GNAL: variants seen among roughly 807,000 people sequenced by gnomAD.
The protein encoded by GNAL is G protein subunit alpha L, also known as guanine nucleotide-binding protein G(olf) subunit alpha.
A neutral mutation model predicts 55.1 loss-of-function variants in GNAL; 18 were observed. The observed-to-expected ratio is 0.33, with a 90% confidence interval of 0.23 to 0.48. The LOEUF (loss-of-function observed/expected upper bound fraction) is 0.48, where lower values mean the gene tolerates loss of function less well. GNAL is among the 20% of genes least tolerant of loss of function. The pLI is 0.99. For synonymous variants in GNAL, 253 were observed against 237.0 expected (o/e 1.07, Z -0.62); for missense variants, 412 against 614.1 (o/e 0.67, Z 3.48).
At chr18:11,695,956 GA>G (rs1191634834) in intron 1 of GNAL, among the ~76,000 whole-genome samples, 1 of 149,768 alleles carries the variant, frequency 6.7e-6, no homozygotes, top group African/African-American at 2.5e-5. Flanking sequence ...ACACACAAAG[GA>G]AAAAAAACAG....
intron 1 of GNAL, among the ~76,000 whole-genome samples, chr18:11,716,246 G>A (rs1379338427): frequency 1.3e-5 from 2 of 152,236 alleles, no homozygotes; most frequent in African/African-American, 4.8e-5. Flanking sequence ...GACCCTCGCG[G>A]TGAGTGTTAC....
intron 4 of GNAL, among the ~76,000 whole-genome samples, chr18:11,772,640 A>C (rs2033668007): frequency 6.6e-6 from 1 of 152,134 alleles, no homozygotes; most frequent in Admixed American, 6.5e-5. Context: ...TCTCTACGAG[A>C]CTTGTCCAGG....
intron 11 of GNAL, among the ~76,000 whole-genome samples, chr18:11,879,989 T>A (rs893123610): frequency 6.6e-6 from 1 of 152,228 alleles, no homozygotes; most frequent in Non-Finnish European, 1.5e-5. Flanking sequence ...CCGGGCGCGG[T>A]GGCTCACGCC....
At chr18:11,853,410 A>T (rs572098257) in intron 5 of GNAL, 1 of 167,250 alleles carries the variant, frequency 6.0e-6, no homozygotes, top group South Asian at 2.1e-4. Context: ...GCCTCGAAAC[A>T]TGGAGAAAAG....
intron 5 of GNAL, among the ~76,000 whole-genome samples, chr18:11,835,150 T>C (rs748819807): frequency 1.3e-5 from 2 of 152,250 alleles, no homozygotes; most frequent in African/African-American, 4.8e-5. Flanking sequence ...TTCTGTTTCA[T>C]TGGACATGCA....
At chr18:11,879,544 T>C (rs918930795) in intron 11 of GNAL, among the ~76,000 whole-genome samples, 2 of 152,204 alleles carry the variant, frequency 1.3e-5, no homozygotes, top group African/African-American at 4.8e-5. Flanking sequence ...CTCTTCTCTC[T>C]AGGACACCAG....
At chr18:11,822,604 G>A (rs1598407430) in intron 4 of GNAL, among the ~76,000 whole-genome samples, 1 of 152,072 alleles carries the variant, frequency 6.6e-6, no homozygotes, top group Non-Finnish European at 1.5e-5. Context: ...GTGAGACCAC[G>A]TCTCAAAAAA....
intron 4 of GNAL, among the ~76,000 whole-genome samples, chr18:11,764,549 G>A (rs2033345830): frequency 6.6e-6 from 1 of 152,234 alleles, no homozygotes. Flanking sequence ...GCCTATGCCT[G>A]TAATCCCAGC....
At chr18:11,713,380 A>G (rs1013454434) in intron 1 of GNAL, among the ~76,000 whole-genome samples, 2 of 152,234 alleles carry the variant, frequency 1.3e-5, no homozygotes, top group Non-Finnish European at 2.9e-5. Flanking sequence ...ATCCCATGCA[A>G]TTGGTTAGCA....
At chr18:11,849,501 CAAAAA>C (rs71172025) in intron 5 of GNAL, among the ~76,000 whole-genome samples, 2 of 130,478 alleles carry the variant, frequency 1.5e-5, no homozygotes, top group African/African-American at 3.2e-5. Flanking sequence ...GATTTCATCT[CAAAAA>C]AAAAAAAAAA....
Position 11,881,350 on chromosome 18 carries a change from AAC to A in GNAL, c.*216_*217del. 2.3e-6 allele frequency: 1 copy of A among 431,672 alleles called. No homozygotes were observed. The highest frequency in any genetic ancestry group is 4.8e-5 in the South Asian group (1 of 20,672). 26.7% of individuals were successfully genotyped at this position (431,672 alleles called of 1,614,324 possible). ...GGCCTCCCGCAGCATCCCACCCCCA[AAC>A]CACCGACTCTCATTGCCGACACTGC... On this transcript the variant is annotated 3_prime_UTR_variant, in exon 12 of 12. Transcript: ENST00000334049. This position sits in a 1 kb window ranked among gnomAD's most constrained non-coding sequence, Gnocchi z 4.8.
At chr18:11,821,953 A>G (rs953276225) in intron 4 of GNAL, among the ~76,000 whole-genome samples, 1 of 152,252 alleles carries the variant, frequency 6.6e-6, no homozygotes, top group Non-Finnish European at 1.5e-5. Flanking sequence ...CGCCCAGGCC[A>G]TGGCCGCCGC....
chr18:11,694,801 G>C (rs2031358215), intron 1 of GNAL, among the ~76,000 whole-genome samples: 1 of 152,172 alleles, frequency 6.6e-6, no homozygotes, highest in African/African-American at 2.4e-5. Flanking sequence ...CAATTCTGGA[G>C]GTTGGAAGTC....
At position 11,770,555 on chromosome 18, in the gene GNAL, AAC is replaced by A. The variant is rs200469751; in HGVS notation, c.624+16612_624+16613del. ...TTAACCAGAGTATTTGTAGAAAAATAACAGTTATTTGAGTTTTCATTTTTATT... is the reference window on the plus strand; with the variant it reads ...TTAACCAGAGTATTTGTAGAAAAATAAGTTATTTGAGTTTTCATTTTTATT... On this transcript the variant is annotated intron_variant, in intron 4 of 11. Transcript: ENST00000334049. 6.2e-4 allele frequency among the ~76,000 whole-genome samples: 94 copies of A among 152,312 alleles called. No individual in the cohort carries two copies. In the East Asian group the frequency reaches 7.5e-3, roughly 12 times the overall value.
At position 11,689,873 on chromosome 18, in the gene GNAL, G is replaced by A. The variant is rs910542312; in HGVS notation, c.310G>A (p.Gly104Ser). The change falls in exon 1 of 12, where the codon GGC (glycine) becomes AGC (serine). Residue 104 changes from glycine (G) to serine (S), a missense_variant. This residue lies in a region of GNAL where 228 missense variants were observed against 194.8 expected (regional missense o/e 1.17). Coordinates refer to ENST00000334049, the MANE Select transcript of GNAL (RefSeq NM_182978.4). ...AVKEARKVSRGIDRMLRDQKR... is the reference protein window; with the variant it reads ...AVKEARKVSRSIDRMLRDQKR... ...CAAGGAGGCGAGGAAAGTGAGCCGG[G>A]GCATCGACCGCATGCTGCGCGACCA... 1.3e-6 allele frequency: 2 copies of A among 1,508,692 alleles called. No homozygotes were observed. The highest frequency in any genetic ancestry group is 1.8e-6 in the Non-Finnish European group (2 of 1,130,914). The allele number at this position is 1,508,692 out of a possible 1,614,324, so 93.5% of individuals were successfully genotyped here. A position where few individuals can be genotyped will look rare whatever the true frequency, so the allele number is the denominator to read the frequency against.
At chr18:11,846,406 T>A (rs551885333) in intron 5 of GNAL, among the ~76,000 whole-genome samples, 6 of 147,458 alleles carry the variant, frequency 4.1e-5, no homozygotes, top group African/African-American at 4.9e-5. Flanking sequence ...ATCATTTTTT[T>A]ATATATAAAT....
chr18:11,867,730 C>T (rs955685061), intron 8 of GNAL, among the ~76,000 whole-genome samples: 9 of 151,786 alleles, frequency 5.9e-5, no homozygotes, highest in African/African-American at 7.3e-5. Context: ...AGGAGAATGG[C>T]GTGAACCTGG....
At chr18:11,838,342 T>A (rs1390318902) in intron 5 of GNAL, among the ~76,000 whole-genome samples, 1 of 152,152 alleles carries the variant, frequency 6.6e-6, no homozygotes, top group Non-Finnish European at 1.5e-5. Flanking sequence ...ATATGAAATG[T>A]CCAGAATAGG....
chr18:11,861,739 A>G (rs2036143734), intron 5 of GNAL, among the ~76,000 whole-genome samples: 1 of 152,216 alleles, frequency 6.6e-6, no homozygotes, highest in East Asian at 1.9e-4. Context: ...CTTGGCTCCC[A>G]TCCTGCCTTG....
Sources: gnomAD v4.1 joint callset for allele counts (sites outside exome capture counted in the v4.1 genomes callset) on GRCh38, gnomAD v4.1.1 for gene constraint, gnomAD v4.1.1 regional missense constraint, Gnocchi (gnomAD v3.1) non-coding constraint, MANE v1.5 for transcripts, NCBI Gene and HGNC (gene_info 2026-07-23, HGNC 2026-07-21) for gene names.